ITPKB: variants seen among roughly 807,000 people sequenced by gnomAD.
The protein encoded by ITPKB is inositol-trisphosphate 3-kinase B.
Under a neutral mutation model 69.4 loss-of-function variants are expected in ITPKB, and 13 were observed. That is an observed-to-expected ratio of 0.19 (90% CI 0.12 to 0.30). The LOEUF is 0.30. Among genes scored for constraint, ITPKB ranks in the 10% least tolerant of loss-of-function variants. The probability of loss-of-function intolerance (pLI) is 1.00; values close to 1 mark genes in which losing one functional copy is unlikely to be tolerated. For missense variants in ITPKB, 1,240 were observed against 1,250.5 expected, an observed-to-expected ratio of 0.99 and a Z score of 0.13; for synonymous variants, 584 against 513.7, an observed-to-expected ratio of 1.14 and a Z score of -1.85.
chr1:226,736,466 A>C lies in ITPKB; in HGVS notation c.993T>G (p.Arg331=). 1 of 1,613,762 alleles carries C rather than the reference A, an allele frequency of 6.2e-7. No homozygotes were observed. The highest frequency in any genetic ancestry group is 1.1e-5 in the South Asian group (1 of 91,082). Residue 331 remains arginine (R), a synonymous_variant, in exon 2 of 8, where the codon CGT becomes CGG. Transcript: ENST00000429204. ...CTGGGGGCTGCAGGTCCTCAAGCTC[A>C]CGGGCTCTCCCAGACGGCTCAGTGA... ...LALTEPSGRA[R]ELEDLQPPEA...
chr1:226,648,054 A>G (rs1170994278), intron 3 of ITPKB, among the ~76,000 whole-genome samples: 1 of 152,160 alleles, frequency 6.6e-6, no homozygotes, highest in Non-Finnish European at 1.5e-5. Flanking sequence ...AGGGTCCTAC[A>G]TGTGGGCTAG....
chr1:226,736,342 C>G lies in ITPKB; in HGVS notation c.1117G>C (p.Gly373Arg). The stretch of plus-strand genomic sequence containing the variant: ...ATGCCACAGGGCAGATATCCTTTCC[C>G]CATCTTCCCAGGGGGTTCTCCATCG... ...PRDGEPPGKM[G>R]KGYLPCGMPG... is the part of the protein sequence containing the mutation. The change falls in exon 2 of 8, where the codon GGG becomes CGG. Residue 373 changes from glycine to arginine, a missense_variant. Around this residue, in one of 2 missense-constraint regions of ITPKB, gnomAD observed 992 missense variants for 853.8 expected, o/e 1.16. Coordinates refer to ENST00000429204, the MANE Select transcript of ITPKB (RefSeq NM_002221.4). The G allele has an allele frequency of 1.2e-6, 2 of 1,612,444 alleles. No individual in the cohort carries two copies. Among genetic ancestry groups the G allele is most frequent in the South Asian group, 1.1e-5 (1 of 91,020 alleles).
intron 2 of ITPKB, among the ~76,000 whole-genome samples, chr1:226,654,934 G>A (rs1669261981): frequency 6.6e-6 from 1 of 151,882 alleles, no homozygotes; most frequent in Non-Finnish European, 1.5e-5. Flanking sequence ...GGAGAAGAGT[G>A]AAGAGGGGGA....
chr1:226,709,143 G>A (rs3845510), intron 2 of ITPKB, among the ~76,000 whole-genome samples: 2 of 152,250 alleles, frequency 1.3e-5, no homozygotes, highest in Non-Finnish European at 2.9e-5. Context: ...TTTCACAAAG[G>A]CTGTGACAAA....
chr1:226,671,657 C>T (rs1004478621), intron 2 of ITPKB, among the ~76,000 whole-genome samples: 2 of 152,128 alleles, frequency 1.3e-5, no homozygotes, highest in Non-Finnish European at 2.9e-5. Context: ...AAAGGGAGAA[C>T]CCCAGGGAGG....
intron 2 of ITPKB, among the ~76,000 whole-genome samples, chr1:226,651,684 C>T (rs1050211532): frequency 3.9e-5 from 6 of 152,140 alleles, no homozygotes; most frequent in Non-Finnish European, 8.8e-5. Flanking sequence ...AGATGCTGGG[C>T]GAGACAGTGT....
At chr1:226,673,849 G>A (rs188206315) in intron 2 of ITPKB, among the ~76,000 whole-genome samples, 1 of 152,304 alleles carries the variant, frequency 6.6e-6, no homozygotes, top group East Asian at 1.9e-4. Flanking sequence ...AGAGTTGCAG[G>A]ACACTCCTGC....
chr1:226,649,395 AGTGT>A (rs370040865), intron 2 of ITPKB, among the ~76,000 whole-genome samples: 39 of 138,138 alleles, frequency 2.8e-4, no homozygotes, highest in African/African-American at 7.1e-4. Flanking sequence ...TGTGTGCATG[AGTGT>A]GTGTGCATGT....
chr1:226,680,948 A>G (rs763581856), intron 2 of ITPKB, among the ~76,000 whole-genome samples: 5 of 152,174 alleles, frequency 3.3e-5, no homozygotes, highest in Admixed American at 1.3e-4. Context: ...TCACGTTGCT[A>G]AGAAAAAGTC....
chr1:226,702,914 A>G (rs1344580824), intron 2 of ITPKB, among the ~76,000 whole-genome samples: 1 of 152,166 alleles, frequency 6.6e-6, no homozygotes, highest in African/African-American at 2.4e-5. Flanking sequence ...TTCTAATTAA[A>G]TATTTTTCCT....
chr1:226,721,376 A>G (rs1003928026), intron 2 of ITPKB, among the ~76,000 whole-genome samples: 1 of 151,898 alleles, frequency 6.6e-6, no homozygotes, highest in Admixed American at 6.6e-5. Context: ...AAAAGAAATA[A>G]AAGAAATATT....
intron 2 of ITPKB, among the ~76,000 whole-genome samples, chr1:226,655,799 T>G (rs1396040570): frequency 6.6e-6 from 1 of 152,220 alleles, no homozygotes; most frequent in African/African-American, 2.4e-5. Flanking sequence ...GTTATATTTC[T>G]CAGTGCAATT....
chr1:226,649,632 G>C (rs1669147695), intron 2 of ITPKB, among the ~76,000 whole-genome samples: 1 of 152,194 alleles, frequency 6.6e-6, no homozygotes, highest in Non-Finnish European at 1.5e-5. Context: ...AGGCCCTTTG[G>C]GCAGAAAGGA....
At chr1:226,695,588 C>T (rs995309242) in intron 2 of ITPKB, among the ~76,000 whole-genome samples, 1 of 152,192 alleles carries the variant, frequency 6.6e-6, no homozygotes, top group Non-Finnish European at 1.5e-5. Context: ...GCTGCCCGAG[C>T]ATTGAACCCC....
chr1:226,712,468 T>G (rs1417687610), intron 2 of ITPKB, among the ~76,000 whole-genome samples: 1 of 152,220 alleles, frequency 6.6e-6, no homozygotes, highest in Non-Finnish European at 1.5e-5. Flanking sequence ...AAGGGCCTTC[T>G]TTACTCAAAT....
chr1:226,648,607 C>T (rs1669109193), intron 3 of ITPKB, 65 bp downstream of exon 3: 6 of 960,424 alleles, frequency 6.2e-6, no homozygotes, highest in South Asian at 1.3e-5. Flanking sequence ...CAGAATGCAG[C>T]GTCCAGGGCA....
intron 6 of ITPKB, among the ~76,000 whole-genome samples, chr1:226,638,174 AG>A (rs1668878835): frequency 1.3e-5 from 2 of 152,212 alleles, no homozygotes; most frequent in Admixed American, 6.5e-5. Context: ...CCAGCCGAGC[AG>A]CCCCCTGGAG....
chr1:226,679,606 A>C (rs749355545), intron 2 of ITPKB, among the ~76,000 whole-genome samples: 1 of 152,224 alleles, frequency 6.6e-6, no homozygotes, highest in Non-Finnish European at 1.5e-5. Flanking sequence ...TGAAAGAAGA[A>C]AGACGATAAA....
chr1:226,733,461 G>C (rs768471475), intron 2 of ITPKB, among the ~76,000 whole-genome samples: 2 of 152,092 alleles, frequency 1.3e-5, no homozygotes, highest in South Asian at 2.1e-4. Context: ...AGGCTCCAGC[G>C]TAACAATCTG....
Sources: gnomAD v4.1 joint callset for allele counts (sites outside exome capture counted in the v4.1 genomes callset) on GRCh38, gnomAD v4.1.1 for gene constraint, gnomAD v4.1.1 regional missense constraint, MANE v1.5 for transcripts, NCBI Gene and HGNC (gene_info 2026-07-23, HGNC 2026-07-21) for gene names.